Variants in WDR93 observed in about 807,000 individuals in gnomAD.
WDR93 encodes WD repeat domain 93, also known as WD repeat-containing protein 93.
In WDR93, 73 loss-of-function variants were observed where a neutral mutation model predicts 82.9. The ratio of observed to expected loss-of-function variants is 0.88; its 90% CI spans 0.73 to 1.07. The LOEUF is 1.07. Among genes scored for constraint, WDR93 ranks in the 50% least tolerant of loss-of-function variants. WDR93 has a pLI of 0.00. For missense variants in WDR93, 738 were observed against 826.0 expected, an observed-to-expected ratio of 0.89 and a Z score of 1.31; for synonymous variants, 283 against 300.1, an observed-to-expected ratio of 0.94 and a Z score of 0.59.
intron 2 of WDR93, among the ~76,000 whole-genome samples, chr15:89,702,659 C>T (rs1965525892): frequency 6.6e-6 from 1 of 152,076 alleles, no homozygotes; most frequent in African/African-American, 2.4e-5. Context: ...CTGCCTCAGC[C>T]TCCCAAGTAG....
intron 1 of WDR93, among the ~76,000 whole-genome samples, chr15:89,692,560 T>A (rs1409730656): frequency 6.6e-6 from 1 of 152,158 alleles, no homozygotes; most frequent in African/African-American, 2.4e-5. Flanking sequence ...ATATGTTAGA[T>A]GATAGAGGTG....
intron 1 of WDR93, among the ~76,000 whole-genome samples, chr15:89,696,356 C>A (rs1194643215): frequency 2.0e-5 from 3 of 152,102 alleles, no homozygotes; most frequent in African/African-American, 7.2e-5. Context: ...TATGGATATA[C>A]CACAGTTTGT....
intron 8 of WDR93, among the ~76,000 whole-genome samples, chr15:89,726,675 A>AT (rs1049852739): frequency 1.3e-5 from 2 of 152,182 alleles, no homozygotes; most frequent in African/African-American, 4.8e-5. Context: ...ACAGAGAAAG[A>AT]TTTTTTTAAA....
At chr15:89,730,432 C>T (rs1011179226) in intron 11 of WDR93, among the ~76,000 whole-genome samples, 1 of 151,980 alleles carries the variant, frequency 6.6e-6, no homozygotes, top group Non-Finnish European at 1.5e-5. Context: ...TCAGGCCAGT[C>T]GCTTCACACC....
In WDR93 at chr15:89,701,825, C is replaced by T. The variant is rs945014735; in HGVS notation, c.79C>T (p.Pro27Ser). Residue 27 changes from proline (P) to serine (S), a missense_variant, in exon 2 of 17, where the codon CCC (proline) becomes TCC (serine). Transcript: ENST00000268130. ...GTRKGPLEVPPPTEKDWPKDD... is the reference protein window; with the variant it reads ...GTRKGPLEVPSPTEKDWPKDD... ...ACGAAAGGGACCATTGGAGGTGCCA[C>T]CCCCAACAGAGAAGGACTGGCCTAA... The T allele has an allele frequency of 2.5e-6, 4 of 1,614,146 alleles. No homozygotes were observed. The highest frequency in any genetic ancestry group is 3.4e-6 in the Non-Finnish European group (4 of 1,180,032).
chr15:89,727,003 G>A (rs1471850316), intron 8 of WDR93, among the ~76,000 whole-genome samples, 154 bp from the exon 9 acceptor site: 4 of 152,152 alleles, frequency 2.6e-5, no homozygotes, highest in African/African-American at 4.8e-5. Flanking sequence ...AGGAGAGGCC[G>A]GGAGAAGACT....
At chr15:89,731,651 C>G in intron 12 of WDR93, 89 bp downstream of exon 12, 1 of 1,556,176 alleles carries the variant, frequency 6.4e-7, no homozygotes, top group Non-Finnish European at 8.7e-7. Flanking sequence ...GGCCCTGGGC[C>G]TTCTGTTACC....
chr15:89,702,159 C>A, intron 2 of WDR93, 110 bp downstream of exon 2: 1 of 1,248,664 alleles, frequency 8.0e-7, no homozygotes, highest in Non-Finnish European at 1.1e-6. Flanking sequence ...TTCAATAAGT[C>A]AGTGCATTTT....
chr15:89,737,648 C>G lies in WDR93; in HGVS notation c.1684C>G (p.Pro562Ala). ...GCGTGAAATCATCTGTGCCTTTGCCCCTCCGGGAGCCTTTCCTCTGGAGGT... is the reference window on the plus strand; with the variant it reads ...GCGTGAAATCATCTGTGCCTTTGCCGCTCCGGGAGCCTTTCCTCTGGAGGT... ...AKREIICAFA[P>A]PGAFPLEVPW... Residue 562 changes from proline to alanine, a missense_variant, in exon 15 of 17, where the codon CCT becomes GCT. Physicochemically the swap from Pro to Ala is conservative, Grantham distance 27. Transcript: ENST00000268130. The G allele has an allele frequency of 6.2e-7, 1 of 1,614,194 alleles. No homozygotes were observed. The highest frequency in any genetic ancestry group is 1.7e-5 in the Admixed American group (1 of 60,028).
At chr15:89,737,996 G>C in intron 15 of WDR93, 45 bp from the exon 16 acceptor site, 1 of 1,554,920 alleles carries the variant, frequency 6.4e-7, no homozygotes. Context: ...AGCCCACTGA[G>C]AAAGCGATTG....
chr15:89,726,475 C>G (rs1371376015), intron 8 of WDR93, among the ~76,000 whole-genome samples: 1 of 152,200 alleles, frequency 6.6e-6, no homozygotes, highest in Non-Finnish European at 1.5e-5. Context: ...TCTGAGGAAG[C>G]AGTCAAGGGC....
intron 8 of WDR93, among the ~76,000 whole-genome samples, chr15:89,725,868 C>G (rs1483205537): frequency 3.3e-5 from 5 of 152,074 alleles, no homozygotes; most frequent in Non-Finnish European, 5.9e-5. Context: ...AGCCGATGTT[C>G]TATTTCTTGA....
At chr15:89,702,799 A>G in intron 2 of WDR93, 151 bp from the exon 3 acceptor site, 5 of 866,128 alleles carry the variant, frequency 5.8e-6, no homozygotes, top group Non-Finnish European at 8.6e-6. Context: ...TCGGCCTCCC[A>G]AAGTGCTGGG....
chr15:89,698,051 T>C (rs1965275010), intron 1 of WDR93, among the ~76,000 whole-genome samples: 1 of 151,808 alleles, frequency 6.6e-6, no homozygotes, highest in Non-Finnish European at 1.5e-5. Context: ...GGCTGATTTT[T>C]TTTTTTGTAA....
rs1221754122 is a variant in WDR93 at position 89,730,170 on chromosome 15, C to G, written c.1210+401C>G. ...TGAAACCCCATCTCTACTAAAAATA[C>G]AAAAATTAGCCGGATATGGTGGCAT... is the stretch of plus-strand genomic sequence containing the variant. On this transcript the variant is annotated intron_variant, in intron 11 of 16. Transcript: ENST00000268130. Among the ~76,000 whole-genome samples, 8 of 152,062 alleles carry G rather than the reference C, an allele frequency of 5.3e-5. No homozygotes were observed. In the East Asian group the frequency reaches 1.5e-3, roughly 29 times the overall value.
chr15:89,725,546 C>CTTTT (rs35770679), intron 8 of WDR93, among the ~76,000 whole-genome samples: 1 of 144,962 alleles, frequency 6.9e-6, no homozygotes, highest in Non-Finnish European at 1.5e-5. Flanking sequence ...TGTTCTATTT[C>CTTTT]TTTTTTTTTT....
intron 5 of WDR93, among the ~76,000 whole-genome samples, chr15:89,713,001 G>A (rs1487487947): frequency 2.6e-5 from 4 of 151,994 alleles, no homozygotes; most frequent in Non-Finnish European, 5.9e-5. Context: ...GTGGGCACCT[G>A]TAATCCCAGA....
intron 7 of WDR93, among the ~76,000 whole-genome samples, chr15:89,717,839 C>G (rs1353267932): frequency 6.6e-6 from 1 of 152,128 alleles, no homozygotes; most frequent in Non-Finnish European, 1.5e-5. Context: ...ATTCACCAAG[C>G]CGAGTAACTT....
Position 89,735,538 on chromosome 15 carries a change from A to G in WDR93, c.1593A>G (p.Pro531=). The G allele has an allele frequency of 1.2e-6, 2 of 1,614,196 alleles. No individual in the cohort carries two copies. Among genetic ancestry groups the G allele is most frequent in the African/African-American group, 1.3e-5 (1 of 75,058 alleles). The change falls in exon 14 of 17, where the codon CCA becomes CCG. Residue 531 remains proline (P), a synonymous_variant. Coordinates refer to ENST00000268130, the MANE Select transcript of WDR93 (RefSeq NM_020212.2). ...DKTICAVAPV[P]ALPGMVLIFS... Reference sequence around the variant, plus strand: ...CCATCTGTGCCGTGGCCCCAGTCCCAGCCTTACCTGGCATGGTAGGTTCCC... The same window carrying G: ...CCATCTGTGCCGTGGCCCCAGTCCCGGCCTTACCTGGCATGGTAGGTTCCC...
Sources: allele counts gnomAD v4.1 joint callset (sites outside exome capture counted in the v4.1 genomes callset), GRCh38; gene constraint gnomAD v4.1.1; transcripts MANE v1.5; gene names NCBI Gene and HGNC (gene_info 2026-07-23, HGNC 2026-07-21).